ERBB4: variants seen among roughly 807,000 people sequenced by gnomAD.
ERBB4 encodes receptor tyrosine-protein kinase erbB-4.
Under a neutral mutation model 158.0 loss-of-function variants are expected in ERBB4, and 42 were observed. The ratio of observed to expected loss-of-function variants is 0.27; its 90% confidence interval spans 0.21 to 0.34. The LOEUF is 0.34. ERBB4 is among the 10% of genes least tolerant of loss of function. The pLI is 1.00. For missense variants in ERBB4, 1,333 were observed against 1,624.1 expected (o/e 0.82, Z 3.08); for synonymous variants, 583 against 558.7 (o/e 1.04, Z -0.61).
Position 211,507,821 on chromosome 2 carries a change from A to T in ERBB4, c.2487+54082T>A, listed in dbSNP as rs148039277. Among the ~76,000 whole-genome samples, 1,196 of 152,304 alleles carry T rather than the reference A, an allele frequency of 7.9e-3. 21 individuals carry two copies. The highest frequency in any genetic ancestry group is 0.027 in the African/African-American group (1,137 of 41,580). On this transcript the variant is annotated intron_variant, in intron 20 of 27. Coordinates refer to ENST00000342788, the MANE Select transcript of ERBB4 (RefSeq NM_005235.3). ...ATGGAACAGAATAGAGACCTCATAA[A>T]TAACACAACACATCTACAACCATCT...
chr2:212,324,605 A>T (rs1369483579), intron 1 of ERBB4, among the ~76,000 whole-genome samples: 1 of 150,090 alleles, frequency 6.7e-6, no homozygotes, highest in Non-Finnish European at 1.5e-5. Flanking sequence ...ATTTTGAAAG[A>T]CATAAATGAA....
intron 2 of ERBB4, among the ~76,000 whole-genome samples, chr2:211,981,826 T>C (rs1161779503): frequency 6.6e-6 from 1 of 152,214 alleles, no homozygotes; most frequent in Non-Finnish European, 1.5e-5. Context: ...ACATGAGCTC[T>C]CTCAGATTTT....
intron 1 of ERBB4, among the ~76,000 whole-genome samples, chr2:212,460,167 C>A (rs1164982855): frequency 6.6e-6 from 1 of 152,196 alleles, no homozygotes; most frequent in East Asian, 1.9e-4. Context: ...GTGAGGCTCC[C>A]CCAGCATGTG....
chr2:212,043,393 C>G (rs1369053683), intron 2 of ERBB4, among the ~76,000 whole-genome samples: 1 of 152,060 alleles, frequency 6.6e-6, no homozygotes, highest in Non-Finnish European at 1.5e-5. Context: ...TGAAGTTTAT[C>G]TAACCATTAA....
At chr2:211,812,004 C>T (rs968229896) in intron 3 of ERBB4, among the ~76,000 whole-genome samples, 14 of 152,142 alleles carry the variant, frequency 9.2e-5, no homozygotes, top group African/African-American at 2.4e-4. Flanking sequence ...TTGTTATTAC[C>T]GACCTTCTGA....
chr2:211,869,557 CTTG>C (rs755815275), intron 3 of ERBB4, among the ~76,000 whole-genome samples: 4 of 152,078 alleles, frequency 2.6e-5, no homozygotes, highest in Non-Finnish European at 4.4e-5. Flanking sequence ...CATAGGCCAA[CTTG>C]TTATTTTAGT....
At chr2:212,305,456 A>G (rs1001911130) in intron 1 of ERBB4, among the ~76,000 whole-genome samples, 23 of 151,310 alleles carry the variant, frequency 1.5e-4, no homozygotes, top group African/African-American at 5.6e-4. Context: ...AATACACTCC[A>G]TATTTCTGTA....
At chr2:211,528,488 C>G (rs2066411125) in intron 20 of ERBB4, among the ~76,000 whole-genome samples, 1 of 152,044 alleles carries the variant, frequency 6.6e-6, no homozygotes, top group Non-Finnish European at 1.5e-5. Flanking sequence ...TGGAGTGAAT[C>G]TGCTCTATAC....
intron 20 of ERBB4, among the ~76,000 whole-genome samples, chr2:211,451,592 G>T (rs533474969): frequency 6.6e-6 from 1 of 152,096 alleles, no homozygotes; most frequent in Non-Finnish European, 1.5e-5. Context: ...TCCTAGCTAG[G>T]GAAGTGGTGG....
At chr2:211,732,203 A>T (rs1414794865) in intron 5 of ERBB4, among the ~76,000 whole-genome samples, 1 of 152,192 alleles carries the variant, frequency 6.6e-6, no homozygotes, top group East Asian at 1.9e-4. Context: ...AGAAGAAATA[A>T]GTCAAAAATT....
chr2:212,135,982 G>A (rs1184292008), intron 1 of ERBB4, among the ~76,000 whole-genome samples: 1 of 152,146 alleles, frequency 6.6e-6, no homozygotes, highest in Non-Finnish European at 1.5e-5. Context: ...ATGCCAGTGG[G>A]AGCTAAGTAT....
At chr2:212,326,755 A>C (rs1046875022) in intron 1 of ERBB4, among the ~76,000 whole-genome samples, 1 of 150,796 alleles carries the variant, frequency 6.6e-6, no homozygotes, top group Non-Finnish European at 1.5e-5. Flanking sequence ...TTGTTCAGCA[A>C]CCTTTGGTAA....
chr2:211,785,818 T>C (rs891133058), intron 4 of ERBB4, among the ~76,000 whole-genome samples: 2 of 152,206 alleles, frequency 1.3e-5, no homozygotes, highest in Non-Finnish European at 2.9e-5. Context: ...TTGATAAATG[T>C]ATCTCAACCT....
chr2:212,089,820 T>C (rs191246369), intron 2 of ERBB4, among the ~76,000 whole-genome samples: 12 of 152,292 alleles, frequency 7.9e-5, no homozygotes, highest in Non-Finnish European at 7.4e-5. Context: ...CTTTACTCTT[T>C]TTGTGAGTTT....
chr2:212,289,820 T>C (rs554871322), intron 1 of ERBB4, among the ~76,000 whole-genome samples: 3 of 152,154 alleles, frequency 2.0e-5, no homozygotes, highest in South Asian at 2.1e-4. Context: ...AAAAACTTAA[T>C]TGCACAGAGT....
At chr2:212,295,292 C>T (rs1162347983) in intron 1 of ERBB4, among the ~76,000 whole-genome samples, 1 of 151,972 alleles carries the variant, frequency 6.6e-6, no homozygotes, top group Non-Finnish European at 1.5e-5. Context: ...ACAAATTCAG[C>T]ACATTAAGAA....
At chr2:211,460,652 T>C (rs2125500865) in intron 20 of ERBB4, among the ~76,000 whole-genome samples, 1 of 152,330 alleles carries the variant, frequency 6.6e-6, no homozygotes, top group Non-Finnish European at 1.5e-5. Context: ...ACAGTTTTTG[T>C]GTATTTCAAC....
In ERBB4 at chr2:211,428,242, TA is replaced by T. The variant is rs900736092; in HGVS notation, c.2719+165del. 1.7e-4 allele frequency among the ~76,000 whole-genome samples: 26 copies of T among 150,752 alleles called. No individual in the cohort carries two copies. In the East Asian group the frequency reaches 3.7e-3, roughly 22 times the overall value. ...TAAAATAAAATAAAATAAAATAAAATATTTTTTTTTCATTGAGAAAGCAAAG... is the reference window on the plus strand; with the variant it reads ...TAAAATAAAATAAAATAAAATAAAATTTTTTTTTTCATTGAGAAAGCAAAG... On this transcript the variant is annotated intron_variant, in intron 22 of 27. Coordinates refer to ENST00000342788, the MANE Select transcript of ERBB4 (RefSeq NM_005235.3).
At chr2:212,127,439 A>T (rs1006466596) in intron 1 of ERBB4, among the ~76,000 whole-genome samples, 5 of 152,050 alleles carry the variant, frequency 3.3e-5, no homozygotes, top group Admixed American at 6.5e-5. Flanking sequence ...AAAAATACAA[A>T]CAATTAGCCG....
Sources: allele counts gnomAD v4.1 joint callset (sites outside exome capture counted in the v4.1 genomes callset), GRCh38; gene constraint gnomAD v4.1.1; transcripts MANE v1.5; gene names NCBI Gene and HGNC (gene_info 2026-07-23, HGNC 2026-07-21).